The following PEX14 variants were observed in gnomAD, a reference collection of about 807,000 sequenced individuals.
PEX14 encodes peroxisomal biogenesis factor 14, also known as peroxisomal membrane protein PEX14.
PEX14 carries 15 observed loss-of-function variants against 49.5 expected under a neutral mutation model. The observed-to-expected ratio is 0.30, with a 90% CI of 0.20 to 0.47. PEX14 has a LOEUF of 0.47. Ranked by LOEUF, PEX14 falls within the 20% of genes least tolerant of loss-of-function variation. The pLI, the probability that PEX14 is intolerant of heterozygous loss-of-function variation, is 1.00. For missense variants in PEX14, 398 were observed against 494.8 expected (o/e 0.80, Z 1.86); for synonymous variants, 210 against 212.7 (o/e 0.99, Z 0.11).
At chr1:10,475,588 C>G (rs556270812) in intron 1 of PEX14, among the ~76,000 whole-genome samples, 58 of 152,290 alleles carry the variant, frequency 3.8e-4, no homozygotes, top group African/African-American at 1.4e-3. Context: ...GGCTGAGGAC[C>G]CATCCTCGCT....
intron 4 of PEX14, among the ~76,000 whole-genome samples, chr1:10,606,589 C>T (rs284280): frequency 0.21 from 31,256 of 152,096 alleles, 4,198 homozygotes; most frequent in African/African-American, 0.39. Flanking sequence ...TTGGAAAGTT[C>T]TAGCTAGTAA....
intron 3 of PEX14, among the ~76,000 whole-genome samples, chr1:10,554,161 G>A (rs1171332606): frequency 4.6e-5 from 7 of 150,978 alleles, no homozygotes; most frequent in East Asian, 1.9e-4. Flanking sequence ...AAAATTAGCC[G>A]GGCATGGTGG....
chr1:10,607,115 T>A (rs563690706), intron 4 of PEX14, among the ~76,000 whole-genome samples: 1 of 152,314 alleles, frequency 6.6e-6, no homozygotes, highest in African/African-American at 2.4e-5. Context: ...TTTCTTTTTT[T>A]AATATAAATA....
intron 3 of PEX14, among the ~76,000 whole-genome samples, chr1:10,544,894 C>G (rs747959227): frequency 1.1e-4 from 17 of 152,052 alleles, no homozygotes; most frequent in Non-Finnish European, 1.9e-4. Flanking sequence ...TCCCAGGTAG[C>G]TGGGCCACAG....
chr1:10,545,809 T>C (rs997956852), intron 3 of PEX14, among the ~76,000 whole-genome samples: 1 of 151,822 alleles, frequency 6.6e-6, no homozygotes, highest in African/African-American at 2.4e-5. Context: ...TTTGGGAGAC[T>C]GAGACAGAAG....
intron 1 of PEX14, among the ~76,000 whole-genome samples, chr1:10,479,607 C>T (rs546320095): frequency 6.6e-6 from 1 of 152,244 alleles, no homozygotes; most frequent in South Asian, 2.1e-4. Flanking sequence ...TACTGAGTAT[C>T]GAGTATTATT....
At chr1:10,531,038 C>T (rs955228858) in intron 2 of PEX14, among the ~76,000 whole-genome samples, 1 of 152,040 alleles carries the variant, frequency 6.6e-6, no homozygotes, top group Admixed American at 6.5e-5. Flanking sequence ...AGAAAGAGAG[C>T]GTGTAGACTT....
chr1:10,571,979 GA>G (rs1382223185), intron 3 of PEX14, among the ~76,000 whole-genome samples: 10 of 152,044 alleles, frequency 6.6e-5, no homozygotes, highest in Non-Finnish European at 1.3e-4. Context: ...AGGATATCTG[GA>G]AAAATGGAAA....
chr1:10,586,148 C>G (rs1214786665), intron 3 of PEX14, among the ~76,000 whole-genome samples: 1 of 152,206 alleles, frequency 6.6e-6, no homozygotes, highest in African/African-American at 2.4e-5. Flanking sequence ...CAGATTCTAA[C>G]AACACAATGA....
At chr1:10,563,956 T>G (rs886188829) in intron 3 of PEX14, among the ~76,000 whole-genome samples, 2 of 152,124 alleles carry the variant, frequency 1.3e-5, no homozygotes, top group African/African-American at 4.8e-5. Context: ...TGGCTTCTAT[T>G]GTCATCTTTC....
rs757373272 is a variant in PEX14, at chr1:10,628,712, G to C, written c.678-819G>C. On this transcript the variant is annotated intron_variant, in intron 8 of 8. Coordinates refer to ENST00000356607, the MANE Select transcript of PEX14 (RefSeq NM_004565.3). The surrounding 1 kb of genome is among the most constrained non-coding windows in gnomAD (Gnocchi z 4.5). ...GATGCTGGTGAATAAAGCAGGCCGT[G>C]GTGTGTGCCCCACTCAAGTGGGGTC... 2.0e-4 allele frequency among the ~76,000 whole-genome samples: 30 copies of C among 152,238 alleles called. No homozygotes were observed. Among genetic ancestry groups the C allele is most frequent in the Non-Finnish European group, 3.4e-4 (23 of 68,040 alleles).
At chr1:10,542,500 G>A (rs1426446518) in intron 3 of PEX14, among the ~76,000 whole-genome samples, 3 of 152,150 alleles carry the variant, frequency 2.0e-5, no homozygotes, top group African/African-American at 4.8e-5. Context: ...GGTGGCTCAC[G>A]CCTATAATCC....
Position 10,628,005 on chromosome 1 carries a change from G to T in PEX14, c.677+642G>T, listed in dbSNP as rs1031180598. Reference sequence around the variant, plus strand: ...GGCTGCAGTGCAGTGGCACGATCTCGGCTCACTGCAACCTCTGCCTCCCGG... The same window carrying T: ...GGCTGCAGTGCAGTGGCACGATCTCTGCTCACTGCAACCTCTGCCTCCCGG... On this transcript the variant is annotated intron_variant, in intron 8 of 8. Transcript: ENST00000356607. This position sits in a 1 kb window ranked among gnomAD's most constrained non-coding sequence, Gnocchi z 4.5. Among the ~76,000 whole-genome samples, 1 of 151,906 alleles carries T rather than the reference G, an allele frequency of 6.6e-6. No homozygotes were observed. The highest frequency in any genetic ancestry group is 1.5e-5 in the Non-Finnish European group (1 of 67,976).
intron 3 of PEX14, among the ~76,000 whole-genome samples, chr1:10,545,336 G>C (rs1157914013): frequency 6.6e-6 from 1 of 152,072 alleles, no homozygotes; most frequent in Non-Finnish European, 1.5e-5. Context: ...TTTCTTTTGG[G>C]TACATACTTT....
chr1:10,478,776 C>T (rs1327276659), intron 1 of PEX14, among the ~76,000 whole-genome samples: 2 of 151,022 alleles, frequency 1.3e-5, no homozygotes, highest in African/African-American at 2.4e-5. Context: ...GACAGAGTCT[C>T]GCTCTGTCGC....
intron 3 of PEX14, among the ~76,000 whole-genome samples, chr1:10,551,583 C>T (rs1467518354): frequency 4.6e-5 from 7 of 152,080 alleles, no homozygotes; most frequent in Non-Finnish European, 1.0e-4. Flanking sequence ...ACCATAATTA[C>T]TCTGTTTGTT....
intron 3 of PEX14, among the ~76,000 whole-genome samples, chr1:10,586,663 G>T (rs113048657): frequency 5.3e-5 from 6 of 113,636 alleles, no homozygotes; most frequent in African/African-American, 1.9e-4. Context: ...TTTTTGAGAC[G>T]GAGTCTCGCT....
intron 2 of PEX14, among the ~76,000 whole-genome samples, chr1:10,515,719 A>G (rs945593840): frequency 9.9e-5 from 15 of 152,138 alleles, no homozygotes; most frequent in African/African-American, 3.4e-4. Context: ...AAAGTAAAAA[A>G]TCCTTCACCC....
intron 4 of PEX14, among the ~76,000 whole-genome samples, chr1:10,608,619 G>A (rs911138974): frequency 6.7e-6 from 1 of 149,654 alleles, no homozygotes; most frequent in African/African-American, 2.5e-5. Context: ...CTGAGATTGT[G>A]CCACTGCATT....
Sources: allele counts gnomAD v4.1 joint callset (sites outside exome capture counted in the v4.1 genomes callset), GRCh38; gene constraint gnomAD v4.1.1; non-coding constraint Gnocchi (gnomAD v3.1); transcripts MANE v1.5; gene names NCBI Gene and HGNC (gene_info 2026-07-23, HGNC 2026-07-21).